The following PLA2G6 variants were observed in gnomAD, a reference collection of about 807,000 sequenced individuals.
PLA2G6 encodes 85/88 kDa calcium-independent phospholipase A2.
In PLA2G6, 62 loss-of-function variants were observed where a neutral mutation model predicts 83.8. That is an observed-to-expected ratio of 0.74 (90% CI 0.60 to 0.91). The LOEUF is 0.91. Ranked by LOEUF, PLA2G6 falls within the 40% of genes least tolerant of loss-of-function variation. The probability of loss-of-function intolerance (pLI) is 0.00; values close to 1 mark genes in which losing one functional copy is unlikely to be tolerated. For missense variants in PLA2G6, 944 were observed against 1,102.0 expected (o/e 0.86, Z 2.03); for synonymous variants, 417 against 449.8 (o/e 0.93, Z 0.92).
chr22:38,135,312 C>T (rs188296651), intron 5 of PLA2G6: 3 of 554,474 alleles, frequency 5.4e-6, no homozygotes, highest in East Asian at 6.3e-5. Context: ...CAGCAATGAT[C>T]ACCCTCCCTG....
In PLA2G6 at chr22:38,120,788, G is replaced by A; in HGVS notation, c.1713C>T (p.His571=). Reference sequence around the variant, plus strand: ...GTTTCCTGACGTCCGTCATCTTGGTGTGCTCCCCAAACTCCCGCTTCAGGA... The same window carrying A: ...GTTTCCTGACGTCCGTCATCTTGGTATGCTCCCCAAACTCCCGCTTCAGGA... ...EEFLKREFGE[H]TKMTDVRKPK... is the part of the protein sequence containing the mutation. Residue 571 remains histidine, a synonymous_variant, in exon 12 of 17, where the codon CAC becomes CAT. Coordinates refer to ENST00000332509, the MANE Select transcript of PLA2G6 (RefSeq NM_003560.4). 2 of 1,613,882 alleles carry A rather than the reference G, an allele frequency of 1.2e-6. No individual in the cohort carries two copies. Among genetic ancestry groups the A allele is most frequent in the South Asian group, 2.2e-5 (2 of 91,088 alleles).
In PLA2G6 at chr22:38,126,216, TTC is replaced by T. The variant is rs752226258; in HGVS notation, c.1427+153_1427+154del. 10 of 711,586 alleles carry T rather than the reference TTC, an allele frequency of 1.4e-5. No homozygotes were observed. The African/African-American group carries it at 1.7e-4, about 12-fold the overall frequency. 44.1% of individuals were successfully genotyped at this position (711,586 alleles called of 1,614,324 possible). A position where few individuals can be genotyped will look rare whatever the true frequency, so the allele number is the denominator to read the frequency against. ...GAACGAGCGACACAGGCTCTCCATG[TTC>T]TGTCTCTGCTGAGAACTATAAGACT... is the stretch of plus-strand genomic sequence containing the variant. On this transcript the variant is annotated intron_variant, in intron 10 of 16. Coordinates refer to ENST00000332509, the MANE Select transcript of PLA2G6 (RefSeq NM_003560.4).
chr22:38,122,623 A>G (rs2087588391), intron 11 of PLA2G6, among the ~76,000 whole-genome samples: 1 of 152,186 alleles, frequency 6.6e-6, no homozygotes, highest in African/African-American at 2.4e-5. Context: ...CCACCTGGGA[A>G]CTTAATTTCC....
At chr22:38,162,017 C>A (rs2090030937) in intron 2 of PLA2G6, among the ~76,000 whole-genome samples, 1 of 151,822 alleles carries the variant, frequency 6.6e-6, no homozygotes. Context: ...CCAGCCTGGC[C>A]ACCATGGCAA....
chr22:38,145,648 AAG>A lies in PLA2G6; in HGVS notation c.213_214del (p.Phe72ProfsTer7). On this transcript the variant is annotated frameshift_variant, in exon 3 of 17. Transcript: ENST00000332509. LOFTEE classifies it high-confidence loss of function. ...GGCGTCAGCCTCCAACTCCAGCTGG[AAG>A]AGTCTGTAGAGCCAGGACAGAGGAG... 1.9e-6 allele frequency: 3 copies of A among 1,610,260 alleles called. No homozygotes were observed. Among genetic ancestry groups the A allele is most frequent in the Non-Finnish European group, 1.7e-6 (2 of 1,177,780 alleles).
rs1010391720 is a variant in PLA2G6 at position 38,140,333 on chromosome 22, TGTC to T, written c.610-167_610-165del. 50 of 654,478 alleles carry T rather than the reference TGTC, an allele frequency of 7.6e-5. No homozygotes were observed. The African/African-American group carries it at 8.4e-4, about 11-fold the overall frequency. The allele number at this position is 654,478 out of a possible 1,614,324, so 40.5% of individuals were successfully genotyped here. On this transcript the variant is annotated intron_variant, in intron 4 of 16. Transcript: ENST00000332509. ...GACCAGCCTGGCCAACATGGTGAAA[TGTC>T]GTCTCTTCTAACGATACAAAAATTA...
chr22:38,128,890 C>CGCAG lies in PLA2G6; in HGVS notation c.1187-461_1187-460insCTGC. ...ATGCAGACACACACGTGTGCACTGG[C>CGCAG]ACACACACACTGCTGCCATCAGGTA... On this transcript the variant is annotated intron_variant, in intron 8 of 16. Transcript: ENST00000332509. The surrounding 1 kb of genome is among the most constrained non-coding windows in gnomAD (Gnocchi z 4.4). Among the ~76,000 whole-genome samples the CGCAG allele has an allele frequency of 6.6e-6, 1 of 152,210 alleles. No homozygotes were observed. Among genetic ancestry groups the CGCAG allele is most frequent in the South Asian group, 2.1e-4 (1 of 4,832 alleles).
intron 1 of PLA2G6, among the ~76,000 whole-genome samples, chr22:38,176,519 C>G (rs133015): frequency 0.44 from 67,127 of 152,048 alleles, 15,098 homozygotes; most frequent in South Asian, 0.55. Context: ...CAGTGACACC[C>G]TCCTGAGCAC....
chr22:38,116,870 A>AAAC (rs1602072181), intron 12 of PLA2G6, among the ~76,000 whole-genome samples: 1 of 151,086 alleles, frequency 6.6e-6, no homozygotes, highest in Non-Finnish European at 1.5e-5. Context: ...AAAAAAAAAA[A>AAAC]AAAAAACAGA....
intron 2 of PLA2G6, chr22:38,146,710 G>A (rs1406910487): frequency 1.3e-5 from 2 of 151,048 alleles, no homozygotes; most frequent in East Asian, 1.9e-4. Context: ...GTATAACTAT[G>A]TAATAAACTA....
intron 16 of PLA2G6, 27 bp downstream of exon 16, chr22:38,112,477 C>T (rs1187961110): frequency 6.5e-7 from 1 of 1,545,172 alleles, no homozygotes; most frequent in Non-Finnish European, 8.7e-7. Flanking sequence ...GGCACGGGGC[C>T]AAGGGCTGGG....
intron 7 of PLA2G6, chr22:38,131,391 A>G (rs571945388): frequency 1.7e-4 from 25 of 150,250 alleles, no homozygotes; most frequent in African/African-American, 5.8e-4. Context: ...ATATATATTT[A>G]TTATTGTTAT....
At chr22:38,158,705 A>G (rs1383415373) in intron 2 of PLA2G6, among the ~76,000 whole-genome samples, 1 of 152,170 alleles carries the variant, frequency 6.6e-6, no homozygotes, top group African/African-American at 2.4e-5. Flanking sequence ...ATTTTTATAT[A>G]GGTGTTCTTG....
chr22:38,115,279 T>C (rs967091202), intron 14 of PLA2G6, among the ~76,000 whole-genome samples: 4 of 152,168 alleles, frequency 2.6e-5, no homozygotes, highest in Admixed American at 2.6e-4. Flanking sequence ...ATGGTATGCA[T>C]GCCGCCCTCC....
intron 1 of PLA2G6, among the ~76,000 whole-genome samples, chr22:38,173,962 G>A (rs2090532593): frequency 6.6e-6 from 1 of 152,198 alleles, no homozygotes; most frequent in East Asian, 1.9e-4. Flanking sequence ...TAAGGCAAGA[G>A]GATTGCTTGA....
At chr22:38,142,983 C>A in intron 4 of PLA2G6, 122 bp downstream of exon 4, 1 of 919,772 alleles carries the variant, frequency 1.1e-6, no homozygotes, top group Non-Finnish European at 1.8e-6. Context: ...GGAGCTCAGG[C>A]CTCAAGGACC....
intron 1 of PLA2G6, among the ~76,000 whole-genome samples, chr22:38,170,349 C>A (rs1435957554): frequency 6.6e-6 from 1 of 152,022 alleles, no homozygotes; most frequent in Non-Finnish European, 1.5e-5. Flanking sequence ...TCCTTTGTTT[C>A]CTGCTACCAC....
Position 38,132,849 on chromosome 22 carries a change from C to T in PLA2G6, c.1059G>A (p.Pro353=), listed in dbSNP as rs574201303. Residue 353 remains proline, a synonymous_variant, in exon 7 of 17, where the codon CCG becomes CCA. Transcript: ENST00000332509. The surrounding 1 kb of genome is among the most constrained non-coding windows in gnomAD (Gnocchi z 5.0). ...GGCTCACCGACATGGCCAGGTGCAGCGGGGTGTTGCCGTGCTCTCCGCGGG... is the reference window on the plus strand; with the variant it reads ...GGCTCACCGACATGGCCAGGTGCAGTGGGGTGTTGCCGTGCTCTCCGCGGG... The part of the protein sequence containing the change: ...ADARGEHGNT[P]LHLAMSKDNV... 4.5e-5 allele frequency: 69 copies of T among 1,549,192 alleles called. No individual in the cohort carries two copies. The South Asian group carries it at 7.5e-4, about 17-fold the overall frequency.
chr22:38,131,460 T>C, intron 7 of PLA2G6: 1 of 152,210 alleles, frequency 6.6e-6, no homozygotes, highest in Non-Finnish European at 1.5e-5. Flanking sequence ...ATGGTAAATA[T>C]AGATAAAGAA....
Sources: gnomAD v4.1 joint callset for allele counts (sites outside exome capture counted in the v4.1 genomes callset) on GRCh38, gnomAD v4.1.1 for gene constraint, Gnocchi (gnomAD v3.1) non-coding constraint, MANE v1.5 for transcripts, NCBI Gene and HGNC (gene_info 2026-07-23, HGNC 2026-07-21) for gene names.